CAPZB: variants seen among roughly 807,000 people sequenced by gnomAD.
The protein encoded by CAPZB is capping actin protein of muscle Z-line subunit beta, also known as F-actin-capping protein subunit beta.
In CAPZB, 2 loss-of-function variants were observed where a neutral mutation model predicts 38.1. That is an observed-to-expected ratio of 0.05 (90% CI 0.02 to 0.17). The LOEUF (loss-of-function observed/expected upper bound fraction) is 0.17, where lower values mean the gene tolerates loss of function less well. CAPZB is among the 10% of genes least tolerant of loss of function. The pLI is 1.00. For synonymous variants in CAPZB, 107 were observed against 127.4 expected (o/e 0.84, Z 1.08); for missense variants, 161 against 334.2 (o/e 0.48, Z 4.04).
At chr1:19,359,210 C>CTTT (rs57251931) in intron 4 of CAPZB, among the ~76,000 whole-genome samples, 13,904 of 113,658 alleles carry the variant, frequency 0.12, 1,040 homozygotes, top group Non-Finnish European at 0.17. Flanking sequence ...TCTCTGTACT[C>CTTT]TTTTTTTTTT....
chr1:19,339,690 A>G (rs2093917490), intron 8 of CAPZB, 73 bp from the exon 9 acceptor site: 6 of 1,150,132 alleles, frequency 5.2e-6, no homozygotes, highest in East Asian at 2.3e-5. Flanking sequence ...GGGGGCCACC[A>G]TGCCAGTGCC....
At chr1:19,359,634 T>C (rs1484600060) in intron 4 of CAPZB, among the ~76,000 whole-genome samples, 2 of 152,208 alleles carry the variant, frequency 1.3e-5, no homozygotes, top group Non-Finnish European at 2.9e-5. Flanking sequence ...GCTAACCAAG[T>C]GTCACTCAGG....
intron 1 of CAPZB, among the ~76,000 whole-genome samples, chr1:19,427,036 T>C (rs2094425457): frequency 6.6e-6 from 1 of 152,152 alleles, no homozygotes; most frequent in South Asian, 2.1e-4. Context: ...GGTCAGTTAC[T>C]GGAAATGGGA....
At chr1:19,404,834 T>G (rs1345742619) in intron 2 of CAPZB, among the ~76,000 whole-genome samples, 1 of 152,124 alleles carries the variant, frequency 6.6e-6, no homozygotes, top group Admixed American at 6.5e-5. Context: ...TTGCACCAAG[T>G]ATTTTCCCTA....
At chr1:19,345,822 G>A (rs1209228552) in intron 6 of CAPZB, among the ~76,000 whole-genome samples, 1 of 152,256 alleles carries the variant, frequency 6.6e-6, no homozygotes, top group Non-Finnish European at 1.5e-5. Context: ...AGGTGGCAAT[G>A]GCAGAGCCTG....
intron 2 of CAPZB, among the ~76,000 whole-genome samples, chr1:19,412,816 G>A (rs12062411): frequency 2.0e-5 from 3 of 152,126 alleles, no homozygotes; most frequent in Non-Finnish European, 2.9e-5. Context: ...AGCTGGGCAC[G>A]ACCATTAAAG....
At chr1:19,439,855 G>C (rs1040190073) in intron 1 of CAPZB, among the ~76,000 whole-genome samples, 4 of 152,190 alleles carry the variant, frequency 2.6e-5, no homozygotes, top group Admixed American at 1.3e-4. Context: ...ATTCCCGTGA[G>C]AGCAACCCCT....
intron 4 of CAPZB, among the ~76,000 whole-genome samples, chr1:19,364,004 T>C (rs2094069339): frequency 6.6e-6 from 1 of 152,136 alleles, no homozygotes; most frequent in African/African-American, 2.4e-5. Flanking sequence ...TTCTGGCTAT[T>C]AGTGGGCTGG....
intron 4 of CAPZB, among the ~76,000 whole-genome samples, chr1:19,370,266 G>A (rs2094112846): frequency 6.6e-6 from 1 of 152,236 alleles, no homozygotes. Flanking sequence ...GTACAGGGCT[G>A]TGCCCGGGAT....
At chr1:19,364,286 G>GGTT (rs1437159963) in intron 4 of CAPZB, among the ~76,000 whole-genome samples, 8 of 152,222 alleles carry the variant, frequency 5.3e-5, no homozygotes, top group African/African-American at 1.9e-4. Flanking sequence ...AGGATTTGGT[G>GGTT]GTTGCATCAG....
intron 1 of CAPZB, chr1:19,484,048 G>A: frequency 1.3e-6 from 1 of 792,590 alleles, no homozygotes; most frequent in Non-Finnish European, 2.0e-6. Flanking sequence ...CCTGCAGAAG[G>A]GTCAAGTGGC....
intron 1 of CAPZB, among the ~76,000 whole-genome samples, chr1:19,454,968 G>A (rs2094528336): frequency 6.6e-6 from 1 of 152,254 alleles, no homozygotes. Flanking sequence ...AAGAGGGGCT[G>A]AGTGGGTGAG....
chr1:19,423,540 T>TTA (rs2094409983), intron 1 of CAPZB, among the ~76,000 whole-genome samples: 2 of 133,806 alleles, frequency 1.5e-5, no homozygotes, highest in Non-Finnish European at 3.3e-5. Context: ...TTTTTTTTTT[T>TTA]TAAAGATAGG....
intron 6 of CAPZB, among the ~76,000 whole-genome samples, chr1:19,352,832 C>G (rs550318172): frequency 1.4e-4 from 21 of 152,356 alleles, no homozygotes; most frequent in African/African-American, 5.0e-4. Context: ...GGAGGCAGGG[C>G]TAGGTGGAGG....
chr1:19,428,431 A>AG (rs71008159), intron 1 of CAPZB, among the ~76,000 whole-genome samples: 2 of 151,990 alleles, frequency 1.3e-5, no homozygotes, highest in African/African-American at 4.8e-5. Context: ...AAAAAAAAAA[A>AG]GAAAAAGAAA....
intron 8 of CAPZB, among the ~76,000 whole-genome samples, chr1:19,344,026 G>A (rs578078444): frequency 5.1e-4 from 78 of 152,206 alleles, no homozygotes; most frequent in Non-Finnish European, 9.7e-4. Flanking sequence ...GGCTCCCCTA[G>A]GCCCAGGCTG....
At chr1:19,425,680 T>C (rs1171480888) in intron 1 of CAPZB, among the ~76,000 whole-genome samples, 1 of 152,230 alleles carries the variant, frequency 6.6e-6, no homozygotes, top group African/African-American at 2.4e-5. Flanking sequence ...CCACCATTAA[T>C]ACGGACTAAA....
rs59390448 is a variant in CAPZB, at chr1:19,418,136, C to CAAAA, written c.93+1521_93+1524dup. ...GGGTGACAGAATGAGACTCTGTCAC[C>CAAAA]AAAAAAAAAAAAAAAAAAAAAAAAA... On this transcript the variant is annotated intron_variant, in intron 2 of 8. Coordinates refer to ENST00000264202, the MANE Select transcript of CAPZB (RefSeq NM_004930.5). Among the ~76,000 whole-genome samples the CAAAA allele has an allele frequency of 7.4e-4, 26 of 35,324 alleles. 1 individual carries two copies. The highest frequency in any genetic ancestry group is 2.0e-3 in the South Asian group (1 of 500). The allele number at this position is 35,324 out of a possible 152,430, so 23.2% of individuals were successfully genotyped here.
At chr1:19,442,128 C>T (rs923985229) in intron 1 of CAPZB, among the ~76,000 whole-genome samples, 1 of 89,958 alleles carries the variant, frequency 1.1e-5, no homozygotes, top group African/African-American at 3.9e-5. Flanking sequence ...TTTGTGATTT[C>T]CAGTTTCAAT....
Sources: allele counts gnomAD v4.1 joint callset (sites outside exome capture counted in the v4.1 genomes callset), GRCh38; gene constraint gnomAD v4.1.1; transcripts MANE v1.5; gene names NCBI Gene and HGNC (gene_info 2026-07-23, HGNC 2026-07-21).